LNPEP: variants seen among roughly 807,000 people sequenced by gnomAD.
LNPEP encodes leucyl and cystinyl aminopeptidase, also known as leucyl-cystinyl aminopeptidase.
LNPEP carries 64 observed loss-of-function variants against 120.6 expected under a neutral mutation model. That is an observed-to-expected ratio of 0.53 (90% CI 0.43 to 0.65). The LOEUF is 0.65. LNPEP is among the 30% of genes least tolerant of loss of function. LNPEP has a pLI of 0.00. For synonymous variants in LNPEP, 435 were observed against 425.4 expected (o/e 1.02, Z -0.28); for missense variants, 1,057 against 1,200.0 (o/e 0.88, Z 1.76).
intron 14 of LNPEP, among the ~76,000 whole-genome samples, chr5:97,023,849 A>G (rs186968198): frequency 2.0e-5 from 3 of 152,264 alleles, no homozygotes; most frequent in Admixed American, 2.0e-4. Context: ...ATTTCTCTAC[A>G]TCCTTGCCAA....
At chr5:97,014,499 A>G (rs960482333) in intron 12 of LNPEP, among the ~76,000 whole-genome samples, 2 of 152,154 alleles carry the variant, frequency 1.3e-5, no homozygotes, top group African/African-American at 4.8e-5. Flanking sequence ...GTAAATTCAC[A>G]ATAGACCTTG....
At chr5:96,982,659 G>A (rs1790153358) in intron 2 of LNPEP, among the ~76,000 whole-genome samples, 1 of 151,980 alleles carries the variant, frequency 6.6e-6, no homozygotes, top group Admixed American at 6.6e-5. Context: ...TGTTGGGGGT[G>A]GGTTGAAGAA....
chr5:97,022,614 G>T, intron 14 of LNPEP, 130 bp downstream of exon 14: 4 of 711,702 alleles, frequency 5.6e-6, no homozygotes, highest in Non-Finnish European at 6.8e-6. Context: ...TGAACTCTAT[G>T]TATCTGCATT....
At chr5:96,996,269 A>G in intron 6 of LNPEP, 121 bp from the exon 7 acceptor site, 1 of 595,630 alleles carries the variant, frequency 1.7e-6, no homozygotes, top group Non-Finnish European at 3.0e-6. Flanking sequence ...CTATAGTATC[A>G]GTATATCTTT....
intron 10 of LNPEP, 81 bp downstream of exon 10, chr5:97,006,314 T>G: frequency 7.4e-7 from 1 of 1,360,112 alleles, no homozygotes; most frequent in Non-Finnish European, 1.0e-6. Context: ...AATCATAAGT[T>G]CTTGTGAAAC....
intron 2 of LNPEP, 121 bp from the exon 3 acceptor site, chr5:96,984,959 C>G (rs1245949076): frequency 3.8e-6 from 4 of 1,042,200 alleles, no homozygotes; most frequent in African/African-American, 1.6e-5. Context: ...TCTGCCTTTC[C>G]CAGTTTATTG....
At chr5:97,006,802 A>G (rs1420058142) in intron 11 of LNPEP, among the ~76,000 whole-genome samples, 1 of 152,238 alleles carries the variant, frequency 6.6e-6, no homozygotes, top group Non-Finnish European at 1.5e-5. Context: ...TTGTTACAAA[A>G]TAAGAGGAGT....
chr5:96,957,831 A>G (rs888637632), intron 1 of LNPEP, among the ~76,000 whole-genome samples: 3 of 152,318 alleles, frequency 2.0e-5, no homozygotes, highest in African/African-American at 7.2e-5. Context: ...TTAATTTGTT[A>G]TAGCAGCAAT....
intron 1 of LNPEP, among the ~76,000 whole-genome samples, chr5:96,956,791 C>T (rs1182168819): frequency 2.6e-5 from 4 of 152,146 alleles, no homozygotes; most frequent in Non-Finnish European, 5.9e-5. Context: ...TTTGATATTG[C>T]CCTACATGTC....
intron 6 of LNPEP, 32 bp from the exon 7 acceptor site, chr5:96,996,358 T>C (rs779053105): frequency 8.4e-7 from 1 of 1,196,292 alleles, no homozygotes; most frequent in African/African-American, 1.6e-5. Context: ...GCTGTAAATA[T>C]CCTGTGGGTT....
intron 9 of LNPEP, among the ~76,000 whole-genome samples, chr5:97,004,747 A>G (rs1468357323): frequency 1.3e-5 from 2 of 152,082 alleles, no homozygotes; most frequent in African/African-American, 4.8e-5. Flanking sequence ...CAGAAGATAT[A>G]CCTTCCCTAC....
intron 1 of LNPEP, among the ~76,000 whole-genome samples, chr5:96,950,689 T>A (rs1218224813): frequency 6.6e-6 from 1 of 152,228 alleles, no homozygotes; most frequent in African/African-American, 2.4e-5. Flanking sequence ...AAAGTGGATG[T>A]TTCTGTACTG....
rs1308577252 is a variant in LNPEP at position 96,936,119 on chromosome 5, G to C, written c.-37G>C. The C allele has an allele frequency of 3.3e-6, 5 of 1,514,430 alleles. No individual in the cohort carries two copies. Among genetic ancestry groups the C allele is most frequent in the South Asian group, 2.4e-5 (2 of 82,600 alleles). 93.8% of individuals were successfully genotyped at this position (1,514,430 alleles called of 1,614,324 possible). A position where few individuals can be genotyped will look rare whatever the true frequency, so the allele number is the denominator to read the frequency against. On this transcript the variant is annotated 5_prime_UTR_variant, in exon 1 of 18. Coordinates refer to ENST00000231368, the MANE Select transcript of LNPEP (RefSeq NM_005575.3). ...CCTCAGCTCTCGGAGTAGGAAGCTC[G>C]GGCGCTCCGGCTGTAAGGAGCCGCG...
rs1790448535 is a variant in LNPEP, at chr5:96,993,867, T to C, written c.1303T>C (p.Leu435=). The change falls in exon 6 of 18, where the codon TTG becomes CTG. Residue 435 remains leucine, a synonymous_variant. Coordinates refer to ENST00000231368, the MANE Select transcript of LNPEP (RefSeq NM_005575.3). ...AGCAGGAGCAATGGAAAATTGGGGT[T>C]TGCTCACCTTCCGAGAGGAGACACT... is the stretch of plus-strand genomic sequence containing the variant. ...FEAGAMENWG[L]LTFREETLLY... The C allele has an allele frequency of 6.2e-7, 1 of 1,613,924 alleles. No individual in the cohort carries two copies. The highest frequency in any genetic ancestry group is 1.3e-5 in the African/African-American group (1 of 75,030).
chr5:96,936,142 G>C lies in LNPEP; in HGVS notation c.-14G>C, dbSNP rs1254442672. The stretch of plus-strand genomic sequence containing the variant: ...TCGGGCGCTCCGGCTGTAAGGAGCC[G>C]CGGCGGGGGGAAAATGGAGCCCTTC... On this transcript the variant is annotated 5_prime_UTR_variant, in exon 1 of 18. Coordinates refer to ENST00000231368, the MANE Select transcript of LNPEP (RefSeq NM_005575.3). The C allele has an allele frequency of 6.6e-7, 1 of 1,506,418 alleles. No homozygotes were observed. 93.3% of individuals were successfully genotyped at this position (1,506,418 alleles called of 1,614,324 possible). A position where few individuals can be genotyped will look rare whatever the true frequency, so the allele number is the denominator to read the frequency against.
rs1302138819 is a variant in LNPEP at position 97,028,614 on chromosome 5, T to C, written c.*81T>C. On this transcript the variant is annotated 3_prime_UTR_variant, in exon 18 of 18. Coordinates refer to ENST00000231368, the MANE Select transcript of LNPEP (RefSeq NM_005575.3). Reference sequence around the variant, plus strand: ...TCTGCCGCTTTTGCAAAAGCCAAGGTAAAGCCAGGATCGCTGCCAAGTTGT... The same window carrying C: ...TCTGCCGCTTTTGCAAAAGCCAAGGCAAAGCCAGGATCGCTGCCAAGTTGT... The C allele has an allele frequency of 6.7e-7, 1 of 1,487,032 alleles. No individual in the cohort carries two copies. The highest frequency in any genetic ancestry group is 1.2e-5 in the South Asian group (1 of 85,924). The allele number at this position is 1,487,032 out of a possible 1,614,324, so 92.1% of individuals were successfully genotyped here. A position where few individuals can be genotyped will look rare whatever the true frequency, so the allele number is the denominator to read the frequency against.
At position 97,029,803 on chromosome 5, in the gene LNPEP, G is replaced by A. The variant is rs1180414162; in HGVS notation, c.*1270G>A. On this transcript the variant is annotated 3_prime_UTR_variant, in exon 18 of 18. Coordinates refer to ENST00000231368, the MANE Select transcript of LNPEP (RefSeq NM_005575.3). ...CAAAGAAGGAAAGAAGAAAAATGAGGGAGGATGTCCGAAACTGTATGGCAT... is the reference window on the plus strand; with the variant it reads ...CAAAGAAGGAAAGAAGAAAAATGAGAGAGGATGTCCGAAACTGTATGGCAT... The A allele has an allele frequency of 6.6e-6, 1 of 152,080 alleles. No individual in the cohort carries two copies. The highest frequency in any genetic ancestry group is 6.6e-5 in the Admixed American group (1 of 15,264). 9.4% of individuals were successfully genotyped at this position (152,080 alleles called of 1,614,324 possible). A position where few individuals can be genotyped will look rare whatever the true frequency, so the allele number is the denominator to read the frequency against.
intron 1 of LNPEP, among the ~76,000 whole-genome samples, chr5:96,965,259 T>G (rs1789700285): frequency 6.6e-6 from 1 of 151,976 alleles, no homozygotes; most frequent in African/African-American, 2.4e-5. Context: ...CTAATTAGAG[T>G]TCTTCATCTT....
rs547912888 is a variant in LNPEP, at chr5:96,982,946, C to T, written c.861-2134C>T. Among the ~76,000 whole-genome samples, 122 of 151,860 alleles carry T rather than the reference C, an allele frequency of 8.0e-4. 1 individual carries two copies. Among genetic ancestry groups the T allele is most frequent in the South Asian group, 6.2e-4 (3 of 4,808 alleles). On this transcript the variant is annotated intron_variant, in intron 2 of 17. Transcript: ENST00000231368. ...AGTTTTATTTGATTCTAACAAAAAT[C>T]CTAATCTTTAGGACCATATGGTATA...
Sources: gnomAD v4.1 joint callset for allele counts (sites outside exome capture counted in the v4.1 genomes callset) on GRCh38, gnomAD v4.1.1 for gene constraint, MANE v1.5 for transcripts, NCBI Gene and HGNC (gene_info 2026-07-23, HGNC 2026-07-21) for gene names.